HOXA3: variants seen among roughly 807,000 people sequenced by gnomAD.
HOXA3 encodes the protein homeobox protein Hox-A3.
HOXA3 carries 8 observed loss-of-function variants against 30.3 expected under a neutral mutation model. The observed-to-expected ratio is 0.26, with a 90% CI of 0.15 to 0.48. The LOEUF (loss-of-function observed/expected upper bound fraction) is 0.48, where lower values mean the gene tolerates loss of function less well. Ranked by LOEUF, HOXA3 falls within the 20% of genes least tolerant of loss-of-function variation. The pLI is 0.99. For missense variants in HOXA3, 653 were observed against 614.4 expected (o/e 1.06, Z -0.66); for synonymous variants, 323 against 273.1 (o/e 1.18, Z -1.80).
chr7:27,140,031 G>GAGAGAGAGAGAGAGAGAGAGAC (rs1303752230), intron 2 of HOXA3, 52 bp downstream of exon 2: 1 of 135,668 alleles, frequency 7.4e-6, no homozygotes, highest in Non-Finnish European at 1.6e-5. Context: ...GAGAGAGAGA[G>GAGAGAGAGAGAGAGAGAGAGAC]AAAGTTTCCA....
chr7:27,141,224 A>G (rs1193692952), intron 1 of HOXA3: 1 of 152,130 alleles, frequency 6.6e-6, no homozygotes, highest in Non-Finnish European at 1.5e-5. Context: ...AGCTGCGCTT[A>G]TAAGAGCCAC....
At position 27,108,666 on chromosome 7, in the gene HOXA3, G is replaced by A. The variant is rs149479622; in HGVS notation, c.581C>T (p.Ala194Val). ...CTGCGCGCTCGTGTAGGCCGTGCGC[G>A]CGCGCTTGGACGAAGCCTGCCCCGG... ...SPPGQASSKRARTAYTSAQLV... is the reference protein window; with the variant it reads ...SPPGQASSKRVRTAYTSAQLV... Residue 194 changes from alanine to valine, a missense_variant, in exon 6 of 6, where the codon GCG becomes GTG. Ala to Val is a moderately conservative substitution (Grantham distance 64, BLOSUM62 0). Coordinates refer to ENST00000612286, the MANE Select transcript of HOXA3 (RefSeq NM_153631.3). The surrounding 1 kb of genome is among the most constrained non-coding windows in gnomAD (Gnocchi z 5.0). The A allele has an allele frequency of 5.6e-6, 9 of 1,613,274 alleles. No homozygotes were observed. In the African/African-American group the frequency reaches 1.2e-4, roughly 22 times the overall value.
At chr7:27,119,949 G>C (rs952996150) in intron 4 of HOXA3, among the ~76,000 whole-genome samples, 2 of 152,104 alleles carry the variant, frequency 1.3e-5, no homozygotes, top group African/African-American at 4.8e-5. Flanking sequence ...TGGAAAGTAA[G>C]AACTCCAAGT....
At position 27,132,685 on chromosome 7, in the gene HOXA3, A is replaced by G. The variant is rs570342267; in HGVS notation, c.-389-5615T>C. The stretch of plus-strand genomic sequence containing the variant: ...AGCCATCCTCTCTAGACTGGAGGAA[A>G]AATTTAGAATGTGATACATCTACCT... On this transcript the variant is annotated intron_variant, in intron 2 of 5. Coordinates refer to ENST00000612286, the MANE Select transcript of HOXA3 (RefSeq NM_153631.3). 2.0e-5 allele frequency among the ~76,000 whole-genome samples: 3 copies of G among 152,338 alleles called. No individual in the cohort carries two copies. The South Asian group carries it at 6.2e-4, about 32-fold the overall frequency.
intron 1 of HOXA3, chr7:27,150,059 T>C (rs1217941481): frequency 1.3e-5 from 2 of 152,172 alleles, no homozygotes; most frequent in Non-Finnish European, 2.9e-5. Flanking sequence ...AACATTATAT[T>C]TCTAGCTTCT....
At chr7:27,111,485 C>T (rs372936169) in intron 4 of HOXA3, among the ~76,000 whole-genome samples, 1 of 148,780 alleles carries the variant, frequency 6.7e-6, no homozygotes, top group African/African-American at 2.5e-5. Context: ...GAACACATTG[C>T]GTGTGTGTGT....
intron 1 of HOXA3, chr7:27,145,644 C>T: frequency 3.1e-6 from 5 of 1,610,196 alleles, no homozygotes; most frequent in Non-Finnish European, 4.2e-6. Flanking sequence ...CTGGCCTGGT[C>T]CCTGCCCAGG....
At chr7:27,143,098 C>T (rs1354788673) in intron 1 of HOXA3, 2 of 1,561,888 alleles carry the variant, frequency 1.3e-6, no homozygotes, top group Middle Eastern at 1.8e-4. Flanking sequence ...GTTGGGCGGG[C>T]GGCGCCGGGC....
Position 27,110,629 on chromosome 7 carries a change from C to G in HOXA3, c.12G>C (p.Ala4=). ...AGATCGCCGAGCTGTCGTAGTAGGT[C>G]GCTTTTTGCATCGCGTTGTTTCACG... MQK[A]TYYDSSAIYG... is the part of the protein sequence containing the mutation. The change falls in exon 5 of 6, where the codon GCG becomes GCC. Residue 4 remains alanine, a synonymous_variant. Coordinates refer to ENST00000612286, the MANE Select transcript of HOXA3 (RefSeq NM_153631.3). 6.2e-7 allele frequency: 1 copy of G among 1,602,952 alleles called. No individual in the cohort carries two copies. Among genetic ancestry groups the G allele is most frequent in the Non-Finnish European group, 8.5e-7 (1 of 1,171,568 alleles).
chr7:27,134,556 T>A (rs1393716236), intron 2 of HOXA3, among the ~76,000 whole-genome samples: 1 of 152,250 alleles, frequency 6.6e-6, no homozygotes, highest in East Asian at 1.9e-4. Context: ...GACACGTAAT[T>A]GTCTTGTTGA....
rs1491150531 is a variant in HOXA3 at position 27,114,845 on chromosome 7, A to ATATATATTATATATTATATATATT, written c.-120-4086_-120-4085insAATATATATAATATATAATATATA. Among the ~76,000 whole-genome samples the ATATATATTATATATTATATATATT allele has an allele frequency of 3.0e-4, 8 of 26,842 alleles. 1 individual carries two copies. The South Asian group carries it at 5.3e-3, about 18-fold the overall frequency. 17.6% of individuals were successfully genotyped at this position (26,842 alleles called of 152,430 possible). ...TATATATAATATATATTATATATAT[A>ATATATATTATATATTATATATATT]ATATATATTATATATATAATATATA... On this transcript the variant is annotated intron_variant, in intron 4 of 5. Transcript: ENST00000612286.
intron 2 of HOXA3, chr7:27,129,468 CA>C: frequency 1.9e-6 from 3 of 1,614,122 alleles, no homozygotes; most frequent in Non-Finnish European, 2.5e-6. Flanking sequence ...GCCGCCGGGT[CA>C]GGTATCGATT....
At position 27,113,084 on chromosome 7, in the gene HOXA3, T is replaced by C. The variant is rs1307968928; in HGVS notation, c.-120-2324A>G. Among the ~76,000 whole-genome samples, 3 of 152,094 alleles carry C rather than the reference T, an allele frequency of 2.0e-5. No individual in the cohort carries two copies. Among genetic ancestry groups the C allele is most frequent in the Non-Finnish European group, 2.9e-5 (2 of 68,016 alleles). On this transcript the variant is annotated intron_variant, in intron 4 of 5. Coordinates refer to ENST00000612286, the MANE Select transcript of HOXA3 (RefSeq NM_153631.3). The surrounding 1 kb of genome is among the most constrained non-coding windows in gnomAD (Gnocchi z 4.8). ...AAAGTTTGCAACCTAGTAAAGAAGTTGGAGATTTGCCAGCCAGGAAACTTT... is the reference window on the plus strand; with the variant it reads ...AAAGTTTGCAACCTAGTAAAGAAGTCGGAGATTTGCCAGCCAGGAAACTTT...
chr7:27,145,074 T>C (rs1049817130), intron 1 of HOXA3, among the ~76,000 whole-genome samples: 5 of 152,158 alleles, frequency 3.3e-5, no homozygotes, highest in Admixed American at 1.3e-4. Flanking sequence ...TGGGCTCTGT[T>C]GGGGCCCCCT....
At chr7:27,152,246 G>C in intron 1 of HOXA3, 42 bp downstream of exon 1, 1 of 1,228,786 alleles carries the variant, frequency 8.1e-7, no homozygotes, top group Non-Finnish European at 1.1e-6. Flanking sequence ...GCCGGCTGTC[G>C]CCTCACCACC....
chr7:27,126,522 A>G (rs1419400701), intron 3 of HOXA3, among the ~76,000 whole-genome samples: 1 of 152,206 alleles, frequency 6.6e-6, no homozygotes, highest in Non-Finnish European at 1.5e-5. Context: ...AGGGCAGACA[A>G]TGCATGATTT....
rs1306411661 is a variant in HOXA3, at chr7:27,110,321, G to T, written c.320C>A (p.Pro107His). 1 of 1,522,414 alleles carries T rather than the reference G, an allele frequency of 6.6e-7. No homozygotes were observed. The highest frequency in any genetic ancestry group is 8.8e-7 in the Non-Finnish European group (1 of 1,137,612). The allele number at this position is 1,522,414 out of a possible 1,614,324, so 94.3% of individuals were successfully genotyped here. Residue 107 changes from proline to histidine, a missense_variant, in exon 5 of 6, where the codon CCC becomes CAC. By Grantham distance (77) the Pro-to-His change is moderately conservative (BLOSUM62 -2). Coordinates refer to ENST00000612286, the MANE Select transcript of HOXA3 (RefSeq NM_153631.3). The part of the protein sequence containing the change: ...AAPPAPQPPQ[P>H]APQPPAPTPA... ...GGTAGGTGCAGGGGGCTGAGGTGCG[G>T]GCTGAGGCGGCTGTGGGGCAGGGGG...
chr7:27,140,745 A>G (rs1782533790), intron 1 of HOXA3, among the ~76,000 whole-genome samples: 1 of 118,738 alleles, frequency 8.4e-6, no homozygotes. Flanking sequence ...GCGGCTAACA[A>G]AGCCCTGGGT....
chr7:27,120,076 C>T (rs1401566433), intron 4 of HOXA3, among the ~76,000 whole-genome samples: 1 of 152,100 alleles, frequency 6.6e-6, no homozygotes, highest in African/African-American at 2.4e-5. Context: ...CTGCCTGCCT[C>T]ATACCCCTCA....
Sources: gnomAD v4.1 joint callset for allele counts (sites outside exome capture counted in the v4.1 genomes callset) on GRCh38, gnomAD v4.1.1 for gene constraint, Gnocchi (gnomAD v3.1) non-coding constraint, MANE v1.5 for transcripts, NCBI Gene and HGNC (gene_info 2026-07-23, HGNC 2026-07-21) for gene names.